The following CTNND2 variants were observed in gnomAD, a reference collection of about 807,000 sequenced individuals.
The protein encoded by CTNND2 is catenin delta 2, also known as catenin delta-2.
In CTNND2, 22 loss-of-function variants were observed where a neutral mutation model predicts 144.4. The observed-to-expected ratio is 0.15, with a 90% CI of 0.11 to 0.22. The LOEUF (loss-of-function observed/expected upper bound fraction) is 0.22. Ranked by LOEUF, CTNND2 falls within the 10% of genes least tolerant of loss-of-function variation. The probability of loss-of-function intolerance (pLI) is 1.00; values close to 1 mark genes in which losing one functional copy is unlikely to be tolerated. For synonymous variants in CTNND2, 751 were observed against 695.6 expected, an observed-to-expected ratio of 1.08 and a Z score of -1.25; for missense variants, 1,353 against 1,618.8, an observed-to-expected ratio of 0.84 and a Z score of 2.82.
intron 13 of CTNND2, among the ~76,000 whole-genome samples, chr5:11,114,372 TG>T (rs1024315410): frequency 8.1e-5 from 12 of 148,968 alleles, no homozygotes; most frequent in African/African-American, 2.7e-4. Context: ...AAAGTAGGGA[TG>T]GGGGCGGATG....
intron 9 of CTNND2, among the ~76,000 whole-genome samples, chr5:11,265,589 A>T (rs914698854): frequency 6.6e-5 from 10 of 151,720 alleles, no homozygotes; most frequent in African/African-American, 2.4e-4. Context: ...TACTCCAAAC[A>T]CTCTAGGAGC....
chr5:11,892,260 T>C (rs1341877296), intron 1 of CTNND2, among the ~76,000 whole-genome samples: 2 of 152,244 alleles, frequency 1.3e-5, no homozygotes, highest in East Asian at 1.9e-4. Flanking sequence ...AGAGTACATA[T>C]AGCACCAGTG....
intron 3 of CTNND2, among the ~76,000 whole-genome samples, chr5:11,470,980 A>ATATATATATATTTTT (rs1219093645): frequency 1.1e-5 from 1 of 91,582 alleles, no homozygotes; most frequent in African/African-American, 5.7e-5. Context: ...ATATATATAT[A>ATATATATATATTTTT]TTTTTTTTTT....
At chr5:11,226,342 T>G (rs1439992582) in intron 10 of CTNND2, among the ~76,000 whole-genome samples, 1 of 152,212 alleles carries the variant, frequency 6.6e-6, no homozygotes, top group Non-Finnish European at 1.5e-5. Context: ...CACTCCTTAT[T>G]GCTGTCCACC....
intron 10 of CTNND2, among the ~76,000 whole-genome samples, chr5:11,228,794 C>T (rs1740650767): frequency 6.6e-6 from 1 of 152,128 alleles, no homozygotes; most frequent in African/African-American, 2.4e-5. Context: ...TCCTTAAAGA[C>T]AGGATCTATA....
At chr5:11,286,331 G>A (rs1747750763) in intron 9 of CTNND2, among the ~76,000 whole-genome samples, 1 of 152,004 alleles carries the variant, frequency 6.6e-6, no homozygotes, top group African/African-American at 2.4e-5. Flanking sequence ...AGTTAATAAT[G>A]GTTTTCACTT....
In CTNND2 at chr5:11,397,057, G is replaced by A. The variant is rs745358008; in HGVS notation, c.586C>T (p.Arg196Ter). The A allele has an allele frequency of 1.9e-6, 3 of 1,613,778 alleles. No homozygotes were observed. The highest frequency in any genetic ancestry group is 1.7e-5 in the Admixed American group (1 of 60,026). The change falls in exon 6 of 22, where the codon CGA becomes TGA. Residue 196 changes from arginine (R) to a stop codon, truncating the protein, a stop_gained. Transcript: ENST00000304623. LOFTEE classifies it high-confidence loss of function. ...TGGCTGAAGCTCTGGCCCGTAGCTC[G>A]GGCTTGTGTGCCTCGGGCCGGGAGC... ...SQLPARGTQA[R>*]ATGQSFSQGT... is the part of the protein sequence containing the mutation.
intron 12 of CTNND2, among the ~76,000 whole-genome samples, chr5:11,136,429 T>C (rs545681144): frequency 5.3e-5 from 8 of 152,004 alleles, no homozygotes; most frequent in South Asian, 4.2e-4. Flanking sequence ...GAAGATAAAA[T>C]GAAAAAGGCA....
At chr5:11,859,913 G>A (rs1795425645) in intron 1 of CTNND2, among the ~76,000 whole-genome samples, 1 of 151,876 alleles carries the variant, frequency 6.6e-6, no homozygotes, top group Non-Finnish European at 1.5e-5. Flanking sequence ...CACACTCTAG[G>A]GACTACCAGA....
chr5:11,715,821 T>C (rs1033544850), intron 2 of CTNND2, among the ~76,000 whole-genome samples: 4 of 152,048 alleles, frequency 2.6e-5, no homozygotes, highest in African/African-American at 9.7e-5. Flanking sequence ...ACCAAAAAAA[T>C]GAAAATGACA....
intron 2 of CTNND2, among the ~76,000 whole-genome samples, chr5:11,712,778 A>G (rs1786106132): frequency 6.6e-6 from 1 of 152,218 alleles, no homozygotes; most frequent in South Asian, 2.1e-4. Flanking sequence ...AACTTCCCAC[A>G]GTTAGCAAAC....
chr5:11,542,221 G>A (rs1054965319), intron 3 of CTNND2, among the ~76,000 whole-genome samples: 4 of 152,054 alleles, frequency 2.6e-5, no homozygotes. Context: ...ATGCTGCAGG[G>A]ACCCACCGCC....
chr5:11,033,342 G>C (rs564057737), intron 16 of CTNND2, among the ~76,000 whole-genome samples: 1 of 152,276 alleles, frequency 6.6e-6, no homozygotes, highest in Non-Finnish European at 1.5e-5. Flanking sequence ...TGTTGTATGT[G>C]TATAAACATT....
At chr5:11,783,011 C>T (rs1316984038) in intron 1 of CTNND2, among the ~76,000 whole-genome samples, 2 of 152,102 alleles carry the variant, frequency 1.3e-5, no homozygotes, top group South Asian at 2.1e-4. Flanking sequence ...CAGAGGGAAT[C>T]GTGATGCTGA....
chr5:10,996,581 A>G (rs953771558), intron 18 of CTNND2, among the ~76,000 whole-genome samples: 4 of 152,026 alleles, frequency 2.6e-5, no homozygotes, highest in African/African-American at 7.2e-5. Flanking sequence ...AAACGGACAC[A>G]GGGGATTTTG....
intron 8 of CTNND2, among the ~76,000 whole-genome samples, chr5:11,363,877 T>C (rs1756699677): frequency 6.6e-6 from 1 of 152,174 alleles, no homozygotes; most frequent in Non-Finnish European, 1.5e-5. Context: ...ATATATATCA[T>C]TAGGAAAGAA....
At chr5:11,182,190 G>C (rs112920455) in intron 11 of CTNND2, among the ~76,000 whole-genome samples, 3 of 144,700 alleles carry the variant, frequency 2.1e-5, no homozygotes, top group African/African-American at 7.7e-5. Flanking sequence ...GGTGTGTGTG[G>C]GGTATGTGTG....
intron 14 of CTNND2, among the ~76,000 whole-genome samples, chr5:11,110,387 T>G (rs759706121): frequency 6.6e-6 from 1 of 151,726 alleles, no homozygotes; most frequent in Non-Finnish European, 1.5e-5. Flanking sequence ...CCATTTCCAA[T>G]GGAAAGTGTG....
intron 16 of CTNND2, among the ~76,000 whole-genome samples, chr5:11,081,462 GTT>G (rs1405227970): frequency 1.3e-5 from 2 of 152,132 alleles, no homozygotes; most frequent in East Asian, 3.9e-4. Flanking sequence ...GATTTTAGAT[GTT>G]TTCGGATTTG....
Sources: gnomAD v4.1 joint callset for allele counts (sites outside exome capture counted in the v4.1 genomes callset) on GRCh38, gnomAD v4.1.1 for gene constraint, MANE v1.5 for transcripts, NCBI Gene and HGNC (gene_info 2026-07-23, HGNC 2026-07-21) for gene names.